Variants in KATNB1 observed in about 807,000 individuals in gnomAD.
KATNB1 encodes katanin regulatory subunit B1, also known as katanin p80 WD40 repeat-containing subunit B1.
A neutral mutation model predicts 82.3 loss-of-function variants in KATNB1; 38 were observed. The ratio of observed to expected loss-of-function variants is 0.46; its 90% CI spans 0.36 to 0.61. The LOEUF (loss-of-function observed/expected upper bound fraction) is 0.61. Among genes scored for constraint, KATNB1 ranks in the 20% least tolerant of loss-of-function variants. The pLI is 0.00. For missense variants in KATNB1, 749 were observed against 915.7 expected, an observed-to-expected ratio of 0.82 and a Z score of 2.35; for synonymous variants, 361 against 368.7, an observed-to-expected ratio of 0.98 and a Z score of 0.24.
intron 8 of KATNB1, 130 bp from the exon 9 acceptor site, chr16:57,752,400 C>G: frequency 7.1e-6 from 6 of 848,060 alleles, no homozygotes; most frequent in Non-Finnish European, 9.4e-6. Flanking sequence ...AGGGCCAGCT[C>G]TGCCCCAGAT....
chr16:57,745,337 AACCCC>A (rs2049175459), intron 4 of KATNB1, among the ~76,000 whole-genome samples: 1 of 3,486 alleles, frequency 2.9e-4, no homozygotes, highest in African/African-American at 3.3e-3. Flanking sequence ...AACGTGGAGA[AACCCC>A]ATCCTGAGGT....
chr16:57,751,474 T>G lies in KATNB1; in HGVS notation c.433-167T>G, dbSNP rs2049227426. ...CCATGGGCGGCCCACCTGGATCCCC[T>G]GGCTCTGCATGAATCCCCTAGAGCC... On this transcript the variant is annotated intron_variant, in intron 6 of 19. Coordinates refer to ENST00000379661, the MANE Select transcript of KATNB1 (RefSeq NM_005886.3). The surrounding 1 kb of genome is among the most constrained non-coding windows in gnomAD (Gnocchi z 6.3). Among the ~76,000 whole-genome samples the G allele has an allele frequency of 6.6e-6, 1 of 152,136 alleles. No individual in the cohort carries two copies. Among genetic ancestry groups the G allele is most frequent in the African/African-American group, 2.4e-5 (1 of 41,426 alleles).
chr16:57,751,196 AC>A lies in KATNB1; in HGVS notation c.391-63del. 6.7e-7 allele frequency: 1 copy of A among 1,489,416 alleles called. No homozygotes were observed. Among genetic ancestry groups the A allele is most frequent in the Non-Finnish European group, 9.4e-7 (1 of 1,066,712 alleles). The allele number at this position is 1,489,416 out of a possible 1,614,324, so 92.3% of individuals were successfully genotyped here. On this transcript the variant is annotated intron_variant, in intron 5 of 19. Coordinates refer to ENST00000379661, the MANE Select transcript of KATNB1 (RefSeq NM_005886.3). This position sits in a 1 kb window ranked among gnomAD's most constrained non-coding sequence, Gnocchi z 6.3. ...CCCCACCGTCTGCTCACGACTGCAC[AC>A]CTTCCTCCAGTCGTGGCTCTGACCT...
chr16:57,743,954 G>GCACAC (rs1555580499), intron 3 of KATNB1, among the ~76,000 whole-genome samples: 1 of 152,260 alleles, frequency 6.6e-6, no homozygotes, highest in Non-Finnish European at 1.5e-5. Flanking sequence ...GTGTGCCCAG[G>GCACAC]ACTAGGCAGG....
At chr16:57,756,650 C>T in intron 19 of KATNB1, 164 bp from the exon 20 acceptor site, 1 of 1,286,606 alleles carries the variant, frequency 7.8e-7, no homozygotes. Flanking sequence ...TCCTCCATGG[C>T]CTGGCTGTGC....
In KATNB1 at chr16:57,756,243, T is replaced by C. The variant is rs1555586275; in HGVS notation, c.1719-113T>C. On this transcript the variant is annotated intron_variant, in intron 18 of 19. Transcript: ENST00000379661. ...GTGGAAACAGGCGTGTGTGGGTGTA[T>C]GTGTGGGTGTGTCTGTGTCTGTTTC... 2.7e-6 allele frequency: 3 copies of C among 1,105,374 alleles called. No homozygotes were observed. The African/African-American group carries it at 4.6e-5, about 17-fold the overall frequency. The allele number at this position is 1,105,374 out of a possible 1,614,324, so 68.5% of individuals were successfully genotyped here. A position where few individuals can be genotyped will look rare whatever the true frequency, so the allele number is the denominator to read the frequency against.
intron 16 of KATNB1, 75 bp from the exon 17 acceptor site, chr16:57,755,766 G>A (rs782607803): frequency 1.4e-5 from 19 of 1,400,482 alleles, no homozygotes; most frequent in Admixed American, 8.7e-5. Flanking sequence ...ATTCACGTTC[G>A]TACCCCCACC....
At chr16:57,750,801 A>G (rs782455766) in intron 4 of KATNB1, 26 bp from the exon 5 acceptor site, 2 of 1,592,602 alleles carry the variant, frequency 1.3e-6, no homozygotes, top group African/African-American at 1.3e-5. Flanking sequence ...CCTCTTAGCC[A>G]CTGTCTCTGC....
rs1195724890 is a variant in KATNB1, at chr16:57,750,982, C to T, written c.390+55C>T. ...CTGCTGGGCCTGTGGCAGGACCAGC[C>T]CGGCCCGGCCCTCAGTGCTGGATGC... On this transcript the variant is annotated intron_variant, in intron 5 of 19. Transcript: ENST00000379661. 9.2e-6 allele frequency: 13 copies of T among 1,417,536 alleles called. No individual in the cohort carries two copies. The African/African-American group carries it at 1.8e-4, about 20-fold the overall frequency. 87.8% of individuals were successfully genotyped at this position (1,417,536 alleles called of 1,614,324 possible).
At chr16:57,741,589 C>T in intron 2 of KATNB1, 98 bp from the exon 3 acceptor site, 1 of 1,345,212 alleles carries the variant, frequency 7.4e-7, no homozygotes, top group East Asian at 2.3e-5. Context: ...TTCCACTGGG[C>T]TTCAGGTTCC....
At position 57,753,445 on chromosome 16, in the gene KATNB1, A is replaced by G. The variant is rs782593018; in HGVS notation, c.1103A>G (p.Asp368Gly). ...RRSPSSEDDR[D>G]ERESRAEIQN... ...AGCCCCAGCAGCGAGGATGACCGGG[A>G]CGAGCGCGAGTCCCGCGCGGAGATC... The change falls in exon 12 of 20, where the codon GAC (aspartate) becomes GGC (glycine). Residue 368 changes from aspartate to glycine, a missense_variant. Around this residue, in one of 3 missense-constraint regions of KATNB1, gnomAD observed 407 missense variants for 434.7 expected, o/e 0.94. Transcript: ENST00000379661. 2 of 1,595,506 alleles carry G rather than the reference A, an allele frequency of 1.3e-6. No individual in the cohort carries two copies. The highest frequency in any genetic ancestry group is 1.7e-6 in the Non-Finnish European group (2 of 1,169,606).
rs2148795363 is a variant in KATNB1 at position 57,753,383 on chromosome 16, T to C, written c.1047-6T>C. 6.2e-7 allele frequency: 1 copy of C among 1,610,880 alleles called. No individual in the cohort carries two copies. The highest frequency in any genetic ancestry group is 2.2e-5 in the East Asian group (1 of 44,806). ...GCTTCCGTTGGGCTTGGCCTCACGCTCCCAGGGTGAAGCAGAACTCAGAGA... is the reference window on the plus strand; with the variant it reads ...GCTTCCGTTGGGCTTGGCCTCACGCCCCCAGGGTGAAGCAGAACTCAGAGA... On this transcript the variant is annotated splice_region_variant and splice_polypyrimidine_tract_variant and intron_variant, in intron 11 of 19. Coordinates refer to ENST00000379661, the MANE Select transcript of KATNB1 (RefSeq NM_005886.3).
At chr16:57,744,917 G>A (rs1367750508) in intron 4 of KATNB1, among the ~76,000 whole-genome samples, 3 of 152,206 alleles carry the variant, frequency 2.0e-5, no homozygotes, top group Non-Finnish European at 4.4e-5. Flanking sequence ...CTGACTCCAG[G>A]TGGTCCCCAC....
intron 4 of KATNB1, among the ~76,000 whole-genome samples, chr16:57,750,407 A>G (rs1555582694): frequency 6.6e-6 from 1 of 152,200 alleles, no homozygotes; most frequent in Admixed American, 6.5e-5. Context: ...AGGCGGGTGG[A>G]TCACTTGAGG....
At position 57,755,208 on chromosome 16, in the gene KATNB1, C is replaced by T; in HGVS notation, c.1386C>T (p.Pro462=). The part of the protein sequence containing the change: ...PAIIPATRNE[P]IGLKASDFLP... Reference sequence around the variant, plus strand: ...TCATCCCTGCCACCCGGAACGAGCCCATCGGGCTGAAGGCCTCCGACTTCC... The same window carrying T: ...TCATCCCTGCCACCCGGAACGAGCCTATCGGGCTGAAGGCCTCCGACTTCC... The change falls in exon 15 of 20, where the codon CCC becomes CCT. Residue 462 remains proline, a synonymous_variant. Coordinates refer to ENST00000379661, the MANE Select transcript of KATNB1 (RefSeq NM_005886.3). 1.2e-6 allele frequency: 2 copies of T among 1,611,846 alleles called. No individual in the cohort carries two copies. The highest frequency in any genetic ancestry group is 1.7e-6 in the Non-Finnish European group (2 of 1,179,996).
chr16:57,751,884 A>G lies in KATNB1; in HGVS notation c.517-56A>G, dbSNP rs541847350. ...AAAGAGCTTGGCCTGGATTAGAGGG[A>G]GGGTGGGCAGCCAAGATGCCTGGTC... is the stretch of plus-strand genomic sequence containing the variant. On this transcript the variant is annotated intron_variant, in intron 7 of 19. Transcript: ENST00000379661. This position sits in a 1 kb window ranked among gnomAD's most constrained non-coding sequence, Gnocchi z 6.3. 2 of 1,458,840 alleles carry G rather than the reference A, an allele frequency of 1.4e-6. No individual in the cohort carries two copies. The highest frequency in any genetic ancestry group is 4.6e-5 in the East Asian group (2 of 43,396). The allele number at this position is 1,458,840 out of a possible 1,614,324, so 90.4% of individuals were successfully genotyped here.
Position 57,755,336 on chromosome 16 carries a change from C to G in KATNB1, c.1417-9C>G, listed in dbSNP as rs79965203. ...CCCATGCCAGCATCTGGGTGTCCAT[C>G]CCACGCAGGCCGTGAAGATCCCCCA... On this transcript the variant is annotated splice_polypyrimidine_tract_variant and intron_variant, in intron 15 of 19. Transcript: ENST00000379661. 982 of 1,612,802 alleles carry G rather than the reference C, an allele frequency of 6.1e-4. 18 individuals are homozygous for G. The East Asian group carries it at 0.02, about 33-fold the overall frequency.
At chr16:57,738,003 A>T (rs1332762124) in intron 2 of KATNB1, among the ~76,000 whole-genome samples, 1 of 152,196 alleles carries the variant, frequency 6.6e-6, no homozygotes, top group Non-Finnish European at 1.5e-5. Context: ...CTTGAGAGCA[A>T]ATGAGAGTGC....
chr16:57,748,741 C>T (rs1171228031), intron 4 of KATNB1, among the ~76,000 whole-genome samples: 5 of 152,312 alleles, frequency 3.3e-5, no homozygotes, highest in South Asian at 2.1e-4. Context: ...CTTTCCACAG[C>T]GCAGCCAGAG....
Sources: allele counts gnomAD v4.1 joint callset (sites outside exome capture counted in the v4.1 genomes callset), GRCh38; gene constraint gnomAD v4.1.1; regional missense constraint gnomAD v4.1.1; non-coding constraint Gnocchi (gnomAD v3.1); transcripts MANE v1.5; gene names NCBI Gene and HGNC (gene_info 2026-07-23, HGNC 2026-07-21).